Variants in DAB1 observed in about 807,000 individuals in gnomAD.
DAB1 encodes DAB adaptor protein 1, also known as disabled homolog 1.
DAB1 carries 15 observed loss-of-function variants against 64.6 expected under a neutral mutation model. The observed-to-expected ratio is 0.23, with a 90% confidence interval of 0.16 to 0.36. DAB1 has a LOEUF of 0.36. Ranked by LOEUF, DAB1 falls within the 10% of genes least tolerant of loss-of-function variation. The pLI is 1.00. For synonymous variants in DAB1, 235 were observed against 251.9 expected, an observed-to-expected ratio of 0.93 and a Z score of 0.64; for missense variants, 596 against 706.7, an observed-to-expected ratio of 0.84 and a Z score of 1.78.
intron 4 of DAB1, among the ~76,000 whole-genome samples, chr1:58,227,332 G>T (rs74507668): frequency 0.018 from 2,715 of 152,258 alleles, 77 homozygotes; most frequent in African/African-American, 0.062. Flanking sequence ...GCTGAATGGA[G>T]GAAGCAAAAC....
intron 6 of DAB1, among the ~76,000 whole-genome samples, chr1:57,768,014 TA>T (rs1052540200): frequency 2.0e-5 from 3 of 151,380 alleles, no homozygotes; most frequent in African/African-American, 7.3e-5. Flanking sequence ...CCGTCTCAAC[TA>T]AAAATACAAA....
intron 2 of DAB1, among the ~76,000 whole-genome samples, chr1:58,520,102 G>T (rs116850454): frequency 0.017 from 2,517 of 152,250 alleles, 57 homozygotes; most frequent in East Asian, 0.12. Flanking sequence ...CCAGAGGGAA[G>T]GGGGAAGGAG....
intron 12 of DAB1, among the ~76,000 whole-genome samples, chr1:57,014,517 A>T (rs1043218189): frequency 2.0e-4 from 30 of 152,390 alleles, no homozygotes; most frequent in African/African-American, 6.7e-4. Flanking sequence ...ATGAGCAAAC[A>T]AACAAAATCT....
rs149013834 is a variant in DAB1 at position 57,777,993 on chromosome 1, C to G, written n.551+106006G>C. Among the ~76,000 whole-genome samples the G allele has an allele frequency of 2.1e-3, 325 of 152,102 alleles. 2 individuals carry two copies. Among genetic ancestry groups the G allele is most frequent in the African/African-American group, 7.6e-3 (315 of 41,534 alleles). On this transcript the variant is annotated intron_variant and non_coding_transcript_variant, in intron 6 of 20. Transcript: ENST00000485760. ...GTTTGCTATGACAGGTCTAGAATAG[C>G]CTTTACTCTTGGGCTTGTTTAACCC...
At chr1:57,039,100 G>A (rs895872407) in intron 9 of DAB1, among the ~76,000 whole-genome samples, 2 of 152,210 alleles carry the variant, frequency 1.3e-5, no homozygotes, top group Non-Finnish European at 2.9e-5. Flanking sequence ...CAGAGTGAGG[G>A]AATGAAAAGT....
At chr1:57,170,191 A>G (rs10889031) in intron 2 of DAB1, among the ~76,000 whole-genome samples, 89,507 of 151,500 alleles carry the variant, frequency 0.59, 27,031 homozygotes, top group African/African-American at 0.71. Context: ...TAGAGACAAG[A>G]TTTCACCATG....
intron 3 of DAB1, among the ~76,000 whole-genome samples, chr1:58,362,938 G>A (rs1644181719): frequency 6.6e-6 from 1 of 152,226 alleles, no homozygotes; most frequent in Non-Finnish European, 1.5e-5. Flanking sequence ...TCCGGAGGCA[G>A]AGAATCCAAG....
chr1:58,021,849 T>A (rs1351238125), intron 5 of DAB1, among the ~76,000 whole-genome samples: 1 of 152,162 alleles, frequency 6.6e-6, no homozygotes, highest in Non-Finnish European at 1.5e-5. Context: ...ATAGGAAGCA[T>A]CCAATTAAGT....
chr1:57,098,629 A>T (rs1235261686), intron 4 of DAB1, among the ~76,000 whole-genome samples: 1 of 152,230 alleles, frequency 6.6e-6, no homozygotes, highest in East Asian at 1.9e-4. Context: ...TCATGCATAC[A>T]TTATGGCTTG....
At chr1:58,154,439 G>A (rs549121377) in intron 4 of DAB1, among the ~76,000 whole-genome samples, 1 of 147,508 alleles carries the variant, frequency 6.8e-6, no homozygotes, top group Admixed American at 6.7e-5. Context: ...CAGGAGTCCT[G>A]TGTCATGCAG....
chr1:57,114,186 T>C (rs1254140408), intron 4 of DAB1, among the ~76,000 whole-genome samples: 1 of 152,188 alleles, frequency 6.6e-6, no homozygotes, highest in African/African-American at 2.4e-5. Context: ...ACCAACGTTA[T>C]AGGTAGAATT....
intron 7 of DAB1, among the ~76,000 whole-genome samples, chr1:57,484,017 T>C (rs768954157): frequency 6.6e-6 from 1 of 152,168 alleles, no homozygotes; most frequent in Non-Finnish European, 1.5e-5. Flanking sequence ...ATGATACATA[T>C]GCACAAGGGA....
At chr1:58,074,564 G>GTGTATA (rs1332531604) in intron 5 of DAB1, 60 of 91,636 alleles carry the variant, frequency 6.5e-4, no homozygotes, top group African/African-American at 2.4e-3. Flanking sequence ...ATATATGTGT[G>GTGTATA]TATATATATA....
rs147999623 is a variant in DAB1, at chr1:57,632,501, G to A, written n.625+17091C>T. On this transcript the variant is annotated intron_variant and non_coding_transcript_variant, in intron 7 of 20. Transcript: ENST00000485760. ...CTAGCGTGGTAGAGGAAGCTAAAAC[G>A]CTAAGACAGGATGCAGATGGGGTTG... is the stretch of plus-strand genomic sequence containing the variant. 7.6e-3 allele frequency among the ~76,000 whole-genome samples: 1,159 copies of A among 152,236 alleles called. 17 individuals carry two copies. The highest frequency in any genetic ancestry group is 0.027 in the African/African-American group (1,113 of 41,538).
At chr1:57,373,730 C>A (rs534822536) in intron 1 of DAB1, among the ~76,000 whole-genome samples, 10 of 152,234 alleles carry the variant, frequency 6.6e-5, no homozygotes, top group African/African-American at 2.2e-4. Flanking sequence ...CTGGTCCAAG[C>A]AGAATAAATC....
At chr1:57,394,980 T>C (rs1166919089) in intron 1 of DAB1, among the ~76,000 whole-genome samples, 3 of 152,210 alleles carry the variant, frequency 2.0e-5, no homozygotes, top group Non-Finnish European at 4.4e-5. Flanking sequence ...TGGTTGTTTT[T>C]GCATTTCTGC....
At chr1:57,857,397 G>C (rs972245844) in intron 1 of DAB1, among the ~76,000 whole-genome samples, 1 of 152,308 alleles carries the variant, frequency 6.6e-6, no homozygotes, top group South Asian at 2.1e-4. Flanking sequence ...AAGAGTAATA[G>C]AGTAAGCAGA....
intron 1 of DAB1, among the ~76,000 whole-genome samples, chr1:57,845,916 A>C (rs1253502029): frequency 2.6e-5 from 4 of 152,128 alleles, no homozygotes; most frequent in Non-Finnish European, 5.9e-5. Context: ...CTGTTTAATA[A>C]ATGGAATAAA....
chr1:58,095,638 A>C (rs1216782368), intron 5 of DAB1, among the ~76,000 whole-genome samples: 1 of 152,194 alleles, frequency 6.6e-6, no homozygotes, highest in Non-Finnish European at 1.5e-5. Flanking sequence ...GCGAGCACTT[A>C]CCAAGGAATT....
Sources: gnomAD v4.1 joint callset for allele counts (sites outside exome capture counted in the v4.1 genomes callset) on GRCh38, gnomAD v4.1.1 for gene constraint, MANE v1.5 for transcripts, NCBI Gene and HGNC (gene_info 2026-07-23, HGNC 2026-07-21) for gene names.